COL5A1: variants seen among roughly 807,000 people sequenced by gnomAD.
COL5A1 encodes collagen type V alpha 1 chain.
Under a neutral mutation model 263.7 loss-of-function variants are expected in COL5A1, and 16 were observed. That is an observed-to-expected ratio of 0.06 (90% confidence interval 0.04 to 0.09). The LOEUF (loss-of-function observed/expected upper bound fraction) is 0.09, where lower values mean the gene tolerates loss of function less well. Among genes scored for constraint, COL5A1 ranks in the 10% least tolerant of loss-of-function variants. The pLI, the probability that COL5A1 is intolerant of heterozygous loss-of-function variation, is 1.00. For missense variants in COL5A1, 2,036 were observed against 2,540.5 expected (o/e 0.80, Z 4.27); for synonymous variants, 1,012 against 1,004.5 (o/e 1.01, Z -0.14).
At chr9:134,761,500 C>T (rs1015161635) in intron 18 of COL5A1, among the ~76,000 whole-genome samples, 9 of 152,250 alleles carry the variant, frequency 5.9e-5, no homozygotes, top group African/African-American at 2.2e-4. Flanking sequence ...CCCTTTTGCA[C>T]GACTGATGAG....
chr9:134,822,890 C>G (rs572693252), intron 59 of COL5A1, 108 bp from the exon 60 acceptor site: 8 of 1,218,850 alleles, frequency 6.6e-6, no homozygotes, highest in African/African-American at 1.5e-5. Context: ...GAGGGGGATG[C>G]GGGTGGGAGA....
intron 1 of COL5A1, among the ~76,000 whole-genome samples, chr9:134,683,539 C>T (rs767977956): frequency 4.6e-5 from 7 of 152,208 alleles, no homozygotes; most frequent in African/African-American, 7.2e-5. Context: ...TCCAGCTACT[C>T]AAACTGTGTG....
chr9:134,786,556 C>T (rs933472240), intron 31 of COL5A1, among the ~76,000 whole-genome samples: 3 of 152,150 alleles, frequency 2.0e-5, no homozygotes, highest in African/African-American at 7.2e-5. Flanking sequence ...GTGGGATGGT[C>T]GCCTCTCAAC....
rs534640269 is a variant in COL5A1, at chr9:134,694,367, C to G, written c.277+3288C>G. On this transcript the variant is annotated intron_variant, in intron 2 of 65. Coordinates refer to ENST00000371817, the MANE Select transcript of COL5A1 (RefSeq NM_000093.5). ...ACACTGGCACCACCTGGTCCTGTAT[C>G]CCCCACTGGGCACGAACTGGCAGAG... 5.9e-5 allele frequency among the ~76,000 whole-genome samples: 9 copies of G among 152,370 alleles called. No individual in the cohort carries two copies. In the South Asian group the frequency reaches 1.9e-3, roughly 32 times the overall value.
intron 30 of COL5A1, 34 bp from the exon 31 acceptor site, chr9:134,785,961 T>C (rs1466653566): frequency 1.3e-6 from 2 of 1,587,584 alleles, no homozygotes; most frequent in Admixed American, 1.7e-5. Context: ...AGCAATACCG[T>C]GCTGGCCATT....
At chr9:134,769,871 C>A (rs1207662422) in intron 25 of COL5A1, among the ~76,000 whole-genome samples, 1 of 151,550 alleles carries the variant, frequency 6.6e-6, no homozygotes, top group Non-Finnish European at 1.5e-5. Context: ...TGCACCCCAC[C>A]TTCCTGCCAA....
chr9:134,661,081 T>G (rs1832189104), intron 1 of COL5A1, among the ~76,000 whole-genome samples: 1 of 151,902 alleles, frequency 6.6e-6, no homozygotes, highest in Non-Finnish European at 1.5e-5. Flanking sequence ...CACCACTGGC[T>G]GGCAGAGGTG....
chr9:134,779,195 T>C (rs1588538801), intron 27 of COL5A1, among the ~76,000 whole-genome samples: 1 of 152,202 alleles, frequency 6.6e-6, no homozygotes, highest in Non-Finnish European at 1.5e-5. Context: ...CACGGGCAGG[T>C]GGCCTGAGGT....
chr9:134,715,253 C>T (rs532250444), intron 4 of COL5A1, among the ~76,000 whole-genome samples: 21 of 152,244 alleles, frequency 1.4e-4, no homozygotes, highest in African/African-American at 5.1e-4. Context: ...TGTGCACATA[C>T]ATAAACGTAT....
chr9:134,749,335 G>A (rs1835691080), intron 11 of COL5A1, among the ~76,000 whole-genome samples: 1 of 152,206 alleles, frequency 6.6e-6, no homozygotes, highest in Non-Finnish European at 1.5e-5. Flanking sequence ...CTTTGCCTTT[G>A]CACTTACAGA....
At chr9:134,785,176 C>A in intron 30 of COL5A1, 80 bp downstream of exon 30, 1 of 1,161,402 alleles carries the variant, frequency 8.6e-7, no homozygotes, top group Non-Finnish European at 1.3e-6. Flanking sequence ...CTCCCGTTGG[C>A]TGTGGCTGCC....
At chr9:134,807,330 G>A (rs546021333) in intron 42 of COL5A1, among the ~76,000 whole-genome samples, 1 of 152,322 alleles carries the variant, frequency 6.6e-6, no homozygotes, top group African/African-American at 2.4e-5. Flanking sequence ...GTCTTGCTGT[G>A]TCACCCAGGC....
rs752570439 is a variant in COL5A1 at position 134,742,732 on chromosome 9, G to A, written c.1494+3924G>A. Among the ~76,000 whole-genome samples the A allele has an allele frequency of 1.2e-4, 19 of 152,172 alleles. No homozygotes were observed. The highest frequency in any genetic ancestry group is 3.3e-4 in the Admixed American group (5 of 15,280). The stretch of plus-strand genomic sequence containing the variant: ...TTTCTGTAGGGGCTGACTCTTTTGC[G>A]CATCCGGGAATATAGTGAGATATCA... On this transcript the variant is annotated intron_variant, in intron 11 of 65. Coordinates refer to ENST00000371817, the MANE Select transcript of COL5A1 (RefSeq NM_000093.5). The surrounding 1 kb of genome is among the most constrained non-coding windows in gnomAD (Gnocchi z 4.6).
At chr9:134,706,839 G>C (rs550173342) in intron 4 of COL5A1, among the ~76,000 whole-genome samples, 1 of 152,354 alleles carries the variant, frequency 6.6e-6, no homozygotes, top group East Asian at 1.9e-4. Flanking sequence ...TCCAGGAAGA[G>C]CCAGCATAAG....
chr9:134,670,878 C>T (rs1233161944), intron 1 of COL5A1, among the ~76,000 whole-genome samples: 1 of 152,136 alleles, frequency 6.6e-6, no homozygotes, highest in African/African-American at 2.4e-5. Flanking sequence ...TGCTGACTTG[C>T]GGGTCTTCTC....
chr9:134,828,767 A>G (rs999786835), intron 63 of COL5A1, among the ~76,000 whole-genome samples: 5 of 110,426 alleles, frequency 4.5e-5, no homozygotes, highest in Non-Finnish European at 9.7e-5. Context: ...GATACATACC[A>G]CACATCACAG....
rs1037896171 is a variant in COL5A1, at chr9:134,641,973, C to T, written c.-215C>T. Reference sequence around the variant, plus strand: ...GCGGGGTCCCGGCCGCCCCGCGGGCCAAAGTCGAGCCCTCCCGCCCGTGGG... The same window carrying T: ...GCGGGGTCCCGGCCGCCCCGCGGGCTAAAGTCGAGCCCTCCCGCCCGTGGG... On this transcript the variant is annotated 5_prime_UTR_variant, in exon 1 of 66. Coordinates refer to ENST00000371817, the MANE Select transcript of COL5A1 (RefSeq NM_000093.5). 12 of 411,292 alleles carry T rather than the reference C, an allele frequency of 2.9e-5. No homozygotes were observed. The highest frequency in any genetic ancestry group is 2.7e-4 in the Admixed American group (6 of 22,430). 25.5% of individuals were successfully genotyped at this position (411,292 alleles called of 1,614,324 possible).
At chr9:134,836,358 AACTC>A (rs1473763464) in intron 65 of COL5A1, among the ~76,000 whole-genome samples, 2 of 152,134 alleles carry the variant, frequency 1.3e-5, no homozygotes, top group African/African-American at 4.8e-5. Flanking sequence ...GTAGAGTGAG[AACTC>A]ACTCATTACC....
chr9:134,754,135 C>G lies in COL5A1; in HGVS notation c.1774-138C>G. On this transcript the variant is annotated intron_variant, in intron 15 of 65. Coordinates refer to ENST00000371817, the MANE Select transcript of COL5A1 (RefSeq NM_000093.5). This position sits in a 1 kb window ranked among gnomAD's most constrained non-coding sequence, Gnocchi z 4.3. Reference sequence around the variant, plus strand: ...TCATTCTGGGCAGCAGATCCGTGTCCCGTCCCCGAAGTGCCCACATGTTTG... The same window carrying G: ...TCATTCTGGGCAGCAGATCCGTGTCGCGTCCCCGAAGTGCCCACATGTTTG... 1.1e-6 allele frequency: 1 copy of G among 933,498 alleles called. No individual in the cohort carries two copies. The highest frequency in any genetic ancestry group is 1.7e-6 in the Non-Finnish European group (1 of 588,990). The allele number at this position is 933,498 out of a possible 1,614,324, so 57.8% of individuals were successfully genotyped here. A position where few individuals can be genotyped will look rare whatever the true frequency, so the allele number is the denominator to read the frequency against.
Sources: allele counts gnomAD v4.1 joint callset (sites outside exome capture counted in the v4.1 genomes callset), GRCh38; gene constraint gnomAD v4.1.1; non-coding constraint Gnocchi (gnomAD v3.1); transcripts MANE v1.5; gene names NCBI Gene and HGNC (gene_info 2026-07-23, HGNC 2026-07-21).